ZNF185: variants seen among roughly 807,000 people sequenced by gnomAD.
ZNF185 encodes the protein zinc finger protein 185.
In ZNF185, 56 loss-of-function variants were observed where a neutral mutation model predicts 58.6. The observed-to-expected ratio is 0.95, with a 90% CI of 0.77 to 1.19. The LOEUF (loss-of-function observed/expected upper bound fraction) is 1.19, where lower values mean the gene tolerates loss of function less well. Among genes scored for constraint, ZNF185 ranks in the 50% most tolerant of loss-of-function variants. The pLI, the probability that ZNF185 is intolerant of heterozygous loss-of-function variation, is 0.00. For synonymous variants in ZNF185, 230 were observed against 215.9 expected, an observed-to-expected ratio of 1.07 and a Z score of -0.57; for missense variants, 627 against 573.5, an observed-to-expected ratio of 1.09 and a Z score of -0.95.
At chrX:152,935,585 T>C (rs1414686579) in intron 14 of ZNF185, among the ~76,000 whole-genome samples, 1 of 112,388 alleles carries the variant, frequency 8.9e-6, no homozygotes, top group Non-Finnish European at 1.9e-5. Flanking sequence ...CCACTCTCCT[T>C]TTCCATTCAT....
intron 17 of ZNF185, among the ~76,000 whole-genome samples, chrX:152,963,092 G>A (rs1254401702): frequency 2.7e-5 from 3 of 113,179 alleles, no homozygotes; most frequent in Non-Finnish European, 1.9e-5. Flanking sequence ...GTTGGAAGGT[G>A]CAAACAAGTG....
At chrX:152,966,440 T>G (rs782136943) in intron 19 of ZNF185, among the ~76,000 whole-genome samples, 2 of 111,394 alleles carry the variant, frequency 1.8e-5, no homozygotes, top group South Asian at 7.7e-4. Context: ...CATCCTGGCC[T>G]TATTTCAGGA....
At position 152,931,670 on chromosome X, in the gene ZNF185, A is replaced by G; in HGVS notation, c.918-2A>G. On this transcript the variant is annotated splice_acceptor_variant, in intron 12 of 22. Coordinates refer to ENST00000449285, the Ensembl canonical transcript of ZNF185. LOFTEE classifies it high-confidence loss of function. ...GTTAACTTCCATTTCTTTCCTCCAT[A>G]GGTCTTCCCCAGGCAACAAAGACAA... The G allele has an allele frequency of 8.3e-7, 1 of 1,205,486 alleles. No homozygotes were observed. The highest frequency in any genetic ancestry group is 1.1e-6 in the Non-Finnish European group (1 of 891,571).
At chrX:152,899,703 A>G in the ZNF185 span, among the ~76,000 whole-genome samples, 1 of 111,991 alleles carries the variant, frequency 8.9e-6, no homozygotes, top group South Asian at 3.8e-4. Flanking sequence ...GTAGCATGAA[A>G]ACATTAGGGG....
At chrX:152,938,732 T>A (rs1556885237) in intron 15 of ZNF185, among the ~76,000 whole-genome samples, 1 of 109,476 alleles carries the variant, frequency 9.1e-6, no homozygotes, top group Non-Finnish European at 1.9e-5. Flanking sequence ...CTCCTCACAG[T>A]CTCTCAAAGG....
In ZNF185 at chrX:152,937,019, C is replaced by A. The variant is rs545224232; in HGVS notation, c.1122-1055C>A. Among the ~76,000 whole-genome samples, 3 of 111,930 alleles carry A rather than the reference C, an allele frequency of 2.7e-5. No homozygotes were observed. The South Asian group carries it at 1.1e-3, about 41-fold the overall frequency. ...GCATTCCCATGCTGTAAGCGTCTGC[C>A]CTGTTTCACCCACCAATCCACCAGT... is the stretch of plus-strand genomic sequence containing the variant. On this transcript the variant is annotated intron_variant, in intron 14 of 22. Coordinates refer to ENST00000449285, the Ensembl canonical transcript of ZNF185.
intron 21 of ZNF185, 86 bp downstream of exon 23, chrX:152,969,570 T>G (rs1282547327): frequency 2.8e-6 from 2 of 722,740 alleles, no homozygotes; most frequent in East Asian, 3.5e-5. Flanking sequence ...TGCGGGAGTC[T>G]TACGGGTTCA....
chrX:152,911,241 G>A (rs1156229223), upstream of ZNF185, among the ~76,000 whole-genome samples: 2 of 111,837 alleles, frequency 1.8e-5, no homozygotes, highest in East Asian at 2.8e-4. Context: ...TCAGGTGGGC[G>A]GACCAGTATA....
chrX:152,942,210 A>G (rs1556890672), intron 15 of ZNF185, among the ~76,000 whole-genome samples: 1 of 111,910 alleles, frequency 8.9e-6, no homozygotes, highest in Admixed American at 9.4e-5. Context: ...CTAGGTTACA[A>G]CACAGTTTTA....
At chrX:152,920,473 C>T in intron 8 of ZNF185, 62 bp downstream of exon 9, 2 of 1,116,323 alleles carry the variant, frequency 1.8e-6, no homozygotes, top group South Asian at 4.0e-5. Context: ...GAGCTCCAGC[C>T]TTCTCTGGCT....
chrX:152,962,588 G>A (rs1420990161), intron 17 of ZNF185, among the ~76,000 whole-genome samples: 1 of 111,807 alleles, frequency 8.9e-6, no homozygotes, highest in Non-Finnish European at 1.9e-5. Context: ...AGATTTTTGT[G>A]GGGCCTCCTC....
intron 14 of ZNF185, 97 bp from the exon 17 acceptor site, chrX:152,937,977 C>A (rs2046545970): frequency 6.2e-6 from 5 of 800,005 alleles, no homozygotes; most frequent in Admixed American, 2.8e-5. Flanking sequence ...AGACACAGTT[C>A]CTCCCTTTCT....
At chrX:152,973,278 A>G (rs1463627379) in exon 23 of ZNF185, 2 of 112,433 alleles carry the variant, frequency 1.8e-5, no homozygotes, top group Non-Finnish European at 3.8e-5. Context: ...CATGCAAGAC[A>G]TTGAAAGAAA....
chrX:152,969,579 C>A, intron 21 of ZNF185, 95 bp downstream of exon 23: 1 of 659,240 alleles, frequency 1.5e-6, no homozygotes, highest in Non-Finnish European at 2.4e-6. Context: ...CTTACGGGTT[C>A]AGAGACTGTG....
intron 3 of ZNF185, 135 bp downstream of exon 4, chrX:152,915,338 G>A: frequency 1.6e-6 from 1 of 619,642 alleles, no homozygotes; most frequent in Non-Finnish European, 2.4e-6. Flanking sequence ...TCTGCAATGA[G>A]TAATTTGAAA....
intron 16 of ZNF185, among the ~76,000 whole-genome samples, chrX:152,951,236 G>A (rs1212610089): frequency 2.7e-5 from 3 of 110,977 alleles, no homozygotes; most frequent in South Asian, 3.8e-4. Flanking sequence ...GATTACAGGC[G>A]TGAGCCACTG....
chrX:152,938,533 C>T (rs150592436), intron 15 of ZNF185, among the ~76,000 whole-genome samples: 190 of 111,269 alleles, frequency 1.7e-3, no homozygotes, highest in African/African-American at 4.6e-3. Context: ...AATACATGAG[C>T]GCTAGAGCAG....
the ZNF185 span, among the ~76,000 whole-genome samples, chrX:152,902,596 G>T: frequency 1.6e-4 from 18 of 113,058 alleles, no homozygotes; most frequent in South Asian, 3.6e-3. Context: ...TTGGGCCTGA[G>T]CCTGGGCACC....
intron 15 of ZNF185, 150 bp downstream of exon 17, chrX:152,938,313 C>T: frequency 4.1e-6 from 2 of 490,337 alleles, no homozygotes; most frequent in Non-Finnish European, 6.6e-6. Context: ...CCAACCAGAA[C>T]CCTCTGGCTT....
Sources: allele counts gnomAD v4.1 joint callset (sites outside exome capture counted in the v4.1 genomes callset), GRCh38; gene constraint gnomAD v4.1.1; transcripts MANE v1.5; gene names NCBI Gene and HGNC (gene_info 2026-07-23, HGNC 2026-07-21).